GPATCH1: variants seen among roughly 807,000 people sequenced by gnomAD.
GPATCH1 encodes the protein G-patch domain containing 1.
A neutral mutation model predicts 114.9 loss-of-function variants in GPATCH1; 73 were observed. The ratio of observed to expected loss-of-function variants is 0.64; its 90% CI spans 0.53 to 0.77. The LOEUF (loss-of-function observed/expected upper bound fraction) is 0.77, where lower values mean the gene tolerates loss of function less well. Among genes scored for constraint, GPATCH1 ranks in the 30% least tolerant of loss-of-function variants. The pLI, the probability that GPATCH1 is intolerant of heterozygous loss-of-function variation, is 0.00. For synonymous variants in GPATCH1, 391 were observed against 428.4 expected (o/e 0.91, Z 1.08); for missense variants, 1,058 against 1,144.3 (o/e 0.92, Z 1.09).
At chr19:33,089,077 A>C (rs958947982) in intron 2 of GPATCH1, among the ~76,000 whole-genome samples, 1 of 152,198 alleles carries the variant, frequency 6.6e-6, no homozygotes, top group African/African-American at 2.4e-5. Context: ...TCACTTTGTA[A>C]AAAAATGCAT....
intron 1 of GPATCH1, among the ~76,000 whole-genome samples, chr19:33,087,653 T>A (rs923212483): frequency 7.2e-5 from 11 of 152,056 alleles, no homozygotes; most frequent in African/African-American, 2.7e-4. Flanking sequence ...AGATTTCAGT[T>A]TCATCTGTCG....
intron 1 of GPATCH1, among the ~76,000 whole-genome samples, chr19:33,087,811 G>A (rs1020646920): frequency 6.6e-6 from 1 of 151,358 alleles, no homozygotes; most frequent in African/African-American, 2.4e-5. Context: ...AGCCTCCTAA[G>A]TAGCTGGGAT....
At chr19:33,104,610 T>C (rs1972762938) in intron 9 of GPATCH1, among the ~76,000 whole-genome samples, 1 of 152,038 alleles carries the variant, frequency 6.6e-6, no homozygotes, top group Admixed American at 6.6e-5. Context: ...CTGGGGAGCT[T>C]GGGGAACTCC....
At chr19:33,116,781 G>A (rs1852434081) in intron 15 of GPATCH1, among the ~76,000 whole-genome samples, 1 of 152,062 alleles carries the variant, frequency 6.6e-6, no homozygotes, top group South Asian at 2.1e-4. Context: ...CACCCGCCTC[G>A]GCCTCCCAAA....
At chr19:33,121,263 G>A (rs1972980274) in intron 17 of GPATCH1, among the ~76,000 whole-genome samples, 1 of 150,602 alleles carries the variant, frequency 6.6e-6, no homozygotes, top group Non-Finnish European at 1.5e-5. Context: ...TTACAAGCGT[G>A]AACCACTGCA....
chr19:33,123,437 A>T (rs1568351307), intron 17 of GPATCH1, among the ~76,000 whole-genome samples: 2 of 151,940 alleles, frequency 1.3e-5, no homozygotes, highest in African/African-American at 2.4e-5. Context: ...GAAAAAAAAA[A>T]AGTTTTGGGA....
At chr19:33,109,693 C>T (rs748226110) in intron 10 of GPATCH1, 24 bp from the exon 11 acceptor site, 14 of 1,476,208 alleles carry the variant, frequency 9.5e-6, no homozygotes, top group Non-Finnish European at 1.3e-5. Context: ...CTTTTCATCT[C>T]TTCTAATTAC....
intron 9 of GPATCH1, among the ~76,000 whole-genome samples, chr19:33,101,886 G>T (rs563692231): frequency 6.6e-6 from 1 of 151,498 alleles, no homozygotes; most frequent in Admixed American, 6.6e-5. Context: ...AAAATTAGCC[G>T]CACGTGGTGT....
chr19:33,090,767 CT>C lies in GPATCH1; in HGVS notation c.209-4del, dbSNP rs375926027. On this transcript the variant is annotated splice_polypyrimidine_tract_variant and intron_variant, in intron 2 of 19. Coordinates refer to ENST00000170564, the MANE Select transcript of GPATCH1 (RefSeq NM_018025.3). ...CTCTAGGATTGTAAAGTTCTAAACT[CT>C]TTTTTTTTCAGGATGGACACCCTCT... The C allele has an allele frequency of 9.0e-5, 138 of 1,533,762 alleles. No homozygotes were observed. The highest frequency in any genetic ancestry group is 1.1e-4 in the Non-Finnish European group (120 of 1,112,086).
rs565748180 is a variant in GPATCH1 at position 33,116,195 on chromosome 19, C to G, written c.2197-1630C>G. 2.0e-5 allele frequency among the ~76,000 whole-genome samples: 3 copies of G among 152,278 alleles called. No individual in the cohort carries two copies. The East Asian group carries it at 5.8e-4, about 29-fold the overall frequency. On this transcript the variant is annotated intron_variant, in intron 15 of 19. Coordinates refer to ENST00000170564, the MANE Select transcript of GPATCH1 (RefSeq NM_018025.3). ...TCCCTCTATGCTGTCTTACATATTA[C>G]ATGTACACACAATGAAAATGCCATC...
intron 2 of GPATCH1, among the ~76,000 whole-genome samples, chr19:33,089,109 A>G (rs1289409316): frequency 6.6e-6 from 1 of 152,232 alleles, no homozygotes; most frequent in Non-Finnish European, 1.5e-5. Flanking sequence ...AGATGATTAA[A>G]TGATAATAAT....
At chr19:33,119,567 G>A (rs190923585) in intron 17 of GPATCH1, among the ~76,000 whole-genome samples, 4 of 151,850 alleles carry the variant, frequency 2.6e-5, no homozygotes, top group African/African-American at 4.8e-5. Context: ...GCGTAGTGAC[G>A]CACGCCTGTA....
chr19:33,129,980 A>G, intron 19 of GPATCH1, 150 bp from the exon 20 acceptor site: 1 of 585,890 alleles, frequency 1.7e-6, no homozygotes, highest in Non-Finnish European at 3.0e-6. Context: ...ATTAGGCAGT[A>G]CTTCATTGTG....
At chr19:33,103,423 G>A (rs954196303) in intron 9 of GPATCH1, among the ~76,000 whole-genome samples, 2 of 152,078 alleles carry the variant, frequency 1.3e-5, no homozygotes, top group Non-Finnish European at 2.9e-5. Context: ...GCATAAGGCC[G>A]GGCACGGTGG....
At chr19:33,126,779 T>C (rs955907578) in intron 19 of GPATCH1, 46 bp downstream of exon 19, 8 of 1,462,512 alleles carry the variant, frequency 5.5e-6, no homozygotes, top group Non-Finnish European at 7.5e-6. Context: ...TTTAGAGGCT[T>C]ATTGAGTGCT....
In GPATCH1 at chr19:33,119,044, C is replaced by T. The variant is rs1160373401; in HGVS notation, c.2448C>T (p.Ser816=). The stretch of plus-strand genomic sequence containing the variant: ...CAGCACCCCAGGAGCCGCCACCTTC[C>T]TTCCCGATACAAAAGATGCAGATAG... ...LVPAPQEPPP[S]FPIQKMQIDE... The change falls in exon 17 of 20, where the codon TCC becomes TCT. Residue 816 remains serine (S), a synonymous_variant. Coordinates refer to ENST00000170564, the MANE Select transcript of GPATCH1 (RefSeq NM_018025.3). 6.2e-6 allele frequency: 10 copies of T among 1,613,260 alleles called. No individual in the cohort carries two copies. Among genetic ancestry groups the T allele is most frequent in the Non-Finnish European group, 8.5e-6 (10 of 1,179,706 alleles).
chr19:33,114,221 G>A (rs1444798192), intron 14 of GPATCH1, 32 bp from the exon 15 acceptor site: 1 of 1,574,832 alleles, frequency 6.3e-7, no homozygotes. Context: ...CCTTGCTAAT[G>A]CTGGAGTTTA....
chr19:33,086,916 G>C (rs576924839), intron 1 of GPATCH1, among the ~76,000 whole-genome samples: 30 of 151,890 alleles, frequency 2.0e-4, no homozygotes, highest in Non-Finnish European at 4.1e-4. Context: ...AGAAGTTGCA[G>C]TGAGCCAAGA....
chr19:33,096,325 A>T lies in GPATCH1; in HGVS notation c.731A>T (p.His244Leu). The T allele has an allele frequency of 6.2e-7, 1 of 1,614,084 alleles. No homozygotes were observed. The highest frequency in any genetic ancestry group is 8.5e-7 in the Non-Finnish European group (1 of 1,179,944). Residue 244 changes from histidine (H) to leucine (L), a missense_variant, in exon 7 of 20, where the codon CAC becomes CTC. His to Leu is a moderately conservative substitution (Grantham distance 99, BLOSUM62 -3). Around this residue, in one of 3 missense-constraint regions of GPATCH1, gnomAD observed 893 missense variants for 977.4 expected, o/e 0.91. Transcript: ENST00000170564. The part of the protein sequence containing the change: ...HGLAYKGLDP[H>L]QALFGTSGEH... ...CTAGCTTACAAGGGCCTGGATCCCC[A>T]CCAGGCACTGTTTGGAACTTCGGGA...
Sources: allele counts gnomAD v4.1 joint callset (sites outside exome capture counted in the v4.1 genomes callset), GRCh38; gene constraint gnomAD v4.1.1; regional missense constraint gnomAD v4.1.1; transcripts MANE v1.5; gene names NCBI Gene and HGNC (gene_info 2026-07-23, HGNC 2026-07-21).